Variants in ATP6V1B2 observed in about 807,000 individuals in gnomAD.
ATP6V1B2 encodes the protein V-type proton ATPase subunit B, brain isoform.
Under a neutral mutation model 66.7 loss-of-function variants are expected in ATP6V1B2, and 23 were observed. The observed-to-expected ratio is 0.34, with a 90% confidence interval of 0.25 to 0.49. ATP6V1B2 has a LOEUF of 0.49. Among genes scored for constraint, ATP6V1B2 ranks in the 20% least tolerant of loss-of-function variants. The pLI, the probability that ATP6V1B2 is intolerant of heterozygous loss-of-function variation, is 0.99. For synonymous variants in ATP6V1B2, 278 were observed against 236.7 expected (o/e 1.17, Z -1.60); for missense variants, 478 against 650.8 (o/e 0.73, Z 2.89).
chr8:20,212,249 T>C (rs757371414), intron 8 of ATP6V1B2, 50 bp downstream of exon 8: 1 of 1,565,820 alleles, frequency 6.4e-7, no homozygotes, highest in Non-Finnish European at 8.8e-7. Context: ...GGATCAAAAG[T>C]GTGTCTTAAG....
intron 1 of ATP6V1B2, among the ~76,000 whole-genome samples, chr8:20,203,732 T>C (rs2072709630): frequency 6.6e-6 from 1 of 152,152 alleles, no homozygotes; most frequent in Non-Finnish European, 1.5e-5. Context: ...GGTGAGGGCT[T>C]TGGGTAGGAC....
At chr8:20,218,590 A>G (rs2072878223) in intron 13 of ATP6V1B2, among the ~76,000 whole-genome samples, 2 of 152,038 alleles carry the variant, frequency 1.3e-5, no homozygotes, top group Admixed American at 6.6e-5. Context: ...CTTGCTGCTA[A>G]CTTCTTAGCA....
chr8:20,217,664 A>T (rs556165684), intron 12 of ATP6V1B2, among the ~76,000 whole-genome samples: 15 of 152,334 alleles, frequency 9.8e-5, no homozygotes, highest in African/African-American at 3.6e-4. Context: ...CTTGCTTAAC[A>T]TATTAAGCCG....
Position 20,200,701 on chromosome 8 carries a change from C to G in ATP6V1B2, c.136+3159C>G, listed in dbSNP as rs150458337. Among the ~76,000 whole-genome samples, 445 of 152,278 alleles carry G rather than the reference C, an allele frequency of 2.9e-3. 1 individual carries two copies. Among genetic ancestry groups the G allele is most frequent in the African/African-American group, 0.01 (424 of 41,562 alleles). ...CTATGTATTTTGAATTTGGTCATCTCCATTTTTCTTGAGACCCTAGATCAA... is the reference window on the plus strand; with the variant it reads ...CTATGTATTTTGAATTTGGTCATCTGCATTTTTCTTGAGACCCTAGATCAA... On this transcript the variant is annotated intron_variant, in intron 1 of 13. Transcript: ENST00000276390.
At position 20,220,253 on chromosome 8, in the gene ATP6V1B2, A is replaced by G; in HGVS notation, c.1397-10A>G. 1 of 1,602,338 alleles carries G rather than the reference A, an allele frequency of 6.2e-7. No individual in the cohort carries two copies. Among genetic ancestry groups the G allele is most frequent in the Non-Finnish European group, 8.5e-7 (1 of 1,176,432 alleles). ...ATTTGCATTTATTAATTCAATCTCA[A>G]TTTTTTAAGGTCCTTACGAAAATCG... is the stretch of plus-strand genomic sequence containing the variant. On this transcript the variant is annotated splice_polypyrimidine_tract_variant and intron_variant, in intron 13 of 13. Coordinates refer to ENST00000276390, the MANE Select transcript of ATP6V1B2 (RefSeq NM_001693.4).
intron 8 of ATP6V1B2, among the ~76,000 whole-genome samples, chr8:20,212,492 T>C (rs2072805204): frequency 6.6e-6 from 1 of 152,224 alleles, no homozygotes; most frequent in South Asian, 2.1e-4. Flanking sequence ...TAAATGATTT[T>C]TTCCTCCTAC....
intron 1 of ATP6V1B2, among the ~76,000 whole-genome samples, chr8:20,199,603 G>GT (rs2072663447): frequency 3.9e-5 from 5 of 128,562 alleles, no homozygotes; most frequent in Middle Eastern, 4.2e-3. Flanking sequence ...AATTTTTGTG[G>GT]GTTTTTTTTT....
rs1471805165 is a variant in ATP6V1B2 at position 20,221,092 on chromosome 8, C to G, written c.*690C>G. ...TATCTGTCTGGTAGCAGTGAGACCC[C>G]TTGTCTTGGTGATCCTTACTGGGTT... On this transcript the variant is annotated 3_prime_UTR_variant, in exon 14 of 14. Coordinates refer to ENST00000276390, the MANE Select transcript of ATP6V1B2 (RefSeq NM_001693.4). 1 of 152,168 alleles carries G rather than the reference C, an allele frequency of 6.6e-6. No homozygotes were observed. Among genetic ancestry groups the G allele is most frequent in the Non-Finnish European group, 1.5e-5 (1 of 68,026 alleles). The allele number at this position is 152,168 out of a possible 1,614,324, so 9.4% of individuals were successfully genotyped here. A position where few individuals can be genotyped will look rare whatever the true frequency, so the allele number is the denominator to read the frequency against.
chr8:20,204,278 T>C (rs930364257), intron 1 of ATP6V1B2, among the ~76,000 whole-genome samples: 7 of 152,202 alleles, frequency 4.6e-5, no homozygotes, highest in Non-Finnish European at 1.0e-4. Context: ...GGATTCAAAA[T>C]ATTTTTGGTT....
chr8:20,197,650 C>G lies in ATP6V1B2; in HGVS notation c.136+108C>G, dbSNP rs1425217224. The G allele has an allele frequency of 4.0e-6, 5 of 1,244,498 alleles. No individual in the cohort carries two copies. In the Admixed American group the frequency reaches 1.3e-4, roughly 31 times the overall value. 77.1% of individuals were successfully genotyped at this position (1,244,498 alleles called of 1,614,324 possible). On this transcript the variant is annotated intron_variant, in intron 1 of 13. Transcript: ENST00000276390. The stretch of plus-strand genomic sequence containing the variant: ...TAGGGGGTAGGATTTGTTTTTCCCT[C>G]CCGCGTCTCCCCTCCGACCCTGACC...
At chr8:20,210,985 A>G (rs1430572374) in intron 5 of ATP6V1B2, among the ~76,000 whole-genome samples, 192 bp from the exon 6 acceptor site, 1 of 152,188 alleles carries the variant, frequency 6.6e-6, no homozygotes, top group Non-Finnish European at 1.5e-5. Flanking sequence ...TGAGTCTACA[A>G]AAGAGTAAAG....
At chr8:20,212,286 C>A in intron 8 of ATP6V1B2, 87 bp downstream of exon 8, 1 of 1,253,820 alleles carries the variant, frequency 8.0e-7, no homozygotes, top group Non-Finnish European at 1.1e-6. Context: ...GTGGTAATAA[C>A]AGCATTTGGA....
Position 20,210,414 on chromosome 8 carries a change from A to G in ATP6V1B2, c.360A>G (p.Arg120=). ...TSCEFTGDIL[R]TPVSEDMLGR... ...GTGAGTTTACTGGGGATATTCTCCG[A>G]ACACCGGTGTCTGAGGATATGCTTG... Residue 120 remains arginine, a synonymous_variant, in exon 4 of 14, where the codon CGA becomes CGG. Transcript: ENST00000276390. 6.2e-7 allele frequency: 1 copy of G among 1,613,648 alleles called. No individual in the cohort carries two copies. The highest frequency in any genetic ancestry group is 8.5e-7 in the Non-Finnish European group (1 of 1,179,684).
At chr8:20,219,824 A>C (rs998859992) in intron 13 of ATP6V1B2, among the ~76,000 whole-genome samples, 1 of 152,190 alleles carries the variant, frequency 6.6e-6, no homozygotes, top group Non-Finnish European at 1.5e-5. Context: ...AGAGGGTTGC[A>C]TGTATTCAGG....
At position 20,214,728 on chromosome 8, in the gene ATP6V1B2, CT is replaced by C. The variant is rs751442169; in HGVS notation, c.928-87del. 6.2e-4 allele frequency: 847 copies of C among 1,375,964 alleles called. 3 individuals are homozygous for C. The highest frequency in any genetic ancestry group is 8.3e-4 in the Middle Eastern group (3 of 3,608). The allele number at this position is 1,375,964 out of a possible 1,614,324, so 85.2% of individuals were successfully genotyped here. A position where few individuals can be genotyped will look rare whatever the true frequency, so the allele number is the denominator to read the frequency against. ...AAAATGAACATGATGGGATTTTCAA[CT>C]TTGTACTTTGGCATGTTGAAACAAA... On this transcript the variant is annotated intron_variant, in intron 9 of 13. Transcript: ENST00000276390.
chr8:20,215,130 T>G, intron 10 of ATP6V1B2, 162 bp downstream of exon 10: 1 of 844,786 alleles, frequency 1.2e-6, no homozygotes, highest in Non-Finnish European at 1.7e-6. Flanking sequence ...TTACCCACAG[T>G]TATTATCCTA....
intron 11 of ATP6V1B2, chr8:20,216,795 GAAA>G (rs977724488): frequency 5.8e-5 from 16 of 276,400 alleles, no homozygotes; most frequent in Admixed American, 5.7e-4. Flanking sequence ...GTTATTGATA[GAAA>G]AAAATGACTT....
At chr8:20,209,347 C>T in intron 2 of ATP6V1B2, 86 bp from the exon 3 acceptor site, 1 of 1,333,722 alleles carries the variant, frequency 7.5e-7, no homozygotes, top group Non-Finnish European at 1.1e-6. Context: ...CATATTCAGA[C>T]ACAACATGGG....
chr8:20,198,780 C>T lies in ATP6V1B2; in HGVS notation c.136+1238C>T, dbSNP rs2072654412. Among the ~76,000 whole-genome samples, 3 of 152,192 alleles carry T rather than the reference C, an allele frequency of 2.0e-5. No individual in the cohort carries two copies. In the South Asian group the frequency reaches 6.2e-4, roughly 32 times the overall value. On this transcript the variant is annotated intron_variant, in intron 1 of 13. Coordinates refer to ENST00000276390, the MANE Select transcript of ATP6V1B2 (RefSeq NM_001693.4). Reference sequence around the variant, plus strand: ...ACTGCAGTGTGAAGAAAAAGGAAAACATTTGATTCGGTGGATTGCTGAGAT... The same window carrying T: ...ACTGCAGTGTGAAGAAAAAGGAAAATATTTGATTCGGTGGATTGCTGAGAT...
Sources: gnomAD v4.1 joint callset for allele counts (sites outside exome capture counted in the v4.1 genomes callset) on GRCh38, gnomAD v4.1.1 for gene constraint, MANE v1.5 for transcripts, NCBI Gene and HGNC (gene_info 2026-07-23, HGNC 2026-07-21) for gene names.